Variants in C12orf42 observed in about 807,000 individuals in gnomAD.
The protein encoded by C12orf42 is chromosome 12 open reading frame 42.
Under a neutral mutation model 21.6 loss-of-function variants are expected in C12orf42, and 25 were observed. That is an observed-to-expected ratio of 1.16 (90% CI 0.84 to 1.62). C12orf42 has a LOEUF of 1.62. Among genes scored for constraint, C12orf42 ranks in the 40% most tolerant of loss-of-function variants. The probability of loss-of-function intolerance (pLI) is 0.00; values close to 1 mark genes in which losing one functional copy is unlikely to be tolerated. For missense variants in C12orf42, 483 were observed against 459.3 expected (o/e 1.05, Z -0.47); for synonymous variants, 174 against 175.0 (o/e 0.99, Z 0.05).
At chr12:103,505,693 G>A in the C12orf42 span, 117 of 221,740 alleles carry the variant, frequency 5.3e-4, 1 homozygote, top group Admixed American at 1.5e-3. Flanking sequence ...CAAGGCTGTA[G>A]ATGGAGAGGA....
chr12:103,506,858 T>TA, the C12orf42 span, among the ~76,000 whole-genome samples: 1 of 72,132 alleles, frequency 1.4e-5, no homozygotes, highest in Non-Finnish European at 2.3e-5. Context: ...TATTTATATA[T>TA]TATATATATA....
chr12:103,128,382 A>G, the C12orf42 span, among the ~76,000 whole-genome samples: 2 of 152,158 alleles, frequency 1.3e-5, no homozygotes, highest in South Asian at 4.1e-4. Flanking sequence ...GCACCATTAT[A>G]TGGGGGGAGG....
intron 4 of C12orf42, among the ~76,000 whole-genome samples, chr12:103,315,693 A>C (rs2039406384): frequency 6.6e-6 from 1 of 152,174 alleles, no homozygotes; most frequent in Non-Finnish European, 1.5e-5. Context: ...ACAGACACAA[A>C]ACAGTAGATC....
chr12:103,505,250 C>T, the C12orf42 span, among the ~76,000 whole-genome samples: 32 of 152,230 alleles, frequency 2.1e-4, no homozygotes, highest in Middle Eastern at 0.01. Context: ...CTGGAGACCC[C>T]CTTGGTCTCT....
chr12:103,168,535 A>C, the C12orf42 span, among the ~76,000 whole-genome samples: 6 of 152,286 alleles, frequency 3.9e-5, no homozygotes, highest in Non-Finnish European at 5.9e-5. Flanking sequence ...TCAACATGGC[A>C]AGGCAGTATA....
intron 10 of C12orf42, among the ~76,000 whole-genome samples, chr12:103,242,250 A>G (rs79396652): frequency 0.046 from 6,980 of 152,240 alleles, 224 homozygotes; most frequent in Non-Finnish European, 0.069. Flanking sequence ...CTGTTGTAAG[A>G]CTGGAAAAGG....
At chr12:103,488,636 G>A (rs1954992983) in intron 1 of C12orf42, among the ~76,000 whole-genome samples, 1 of 152,114 alleles carries the variant, frequency 6.6e-6, no homozygotes. Context: ...ATTTCTTAGA[G>A]GCTTTTTTAT....
the C12orf42 span, among the ~76,000 whole-genome samples, chr12:103,087,125 G>A: frequency 9.2e-5 from 14 of 152,040 alleles, no homozygotes; most frequent in Admixed American, 4.6e-4. Context: ...GTAGGTACAC[G>A]TGCAGGTTTA....
intron 2 of C12orf42, among the ~76,000 whole-genome samples, chr12:103,444,431 A>T (rs1951452034): frequency 6.6e-6 from 1 of 152,126 alleles, no homozygotes; most frequent in African/African-American, 2.4e-5. Context: ...AATGTGGCTT[A>T]TATAATACCG....
At chr12:103,219,070 T>C in the C12orf42 span, among the ~76,000 whole-genome samples, 1 of 152,150 alleles carries the variant, frequency 6.6e-6, no homozygotes, top group African/African-American at 2.4e-5. Context: ...ACAGAACTGT[T>C]CATTCCCCTG....
chr12:103,499,150 C>A (rs112725054), upstream of C12orf42, among the ~76,000 whole-genome samples: 2,002 of 152,120 alleles, frequency 0.013, 23 homozygotes, highest in South Asian at 0.039. Context: ...AGGGGATAAA[C>A]CTTCAGTTAC....
At chr12:103,310,708 A>T (rs2038895684) in intron 4 of C12orf42, among the ~76,000 whole-genome samples, 1 of 152,070 alleles carries the variant, frequency 6.6e-6, no homozygotes, top group African/African-American at 2.4e-5. Context: ...ACATTTTAGA[A>T]CTCTAGAAAT....
intron 4 of C12orf42, among the ~76,000 whole-genome samples, chr12:103,284,150 C>A (rs182108573): frequency 2.6e-5 from 4 of 152,294 alleles, no homozygotes; most frequent in African/African-American, 9.6e-5. Flanking sequence ...GAGAACATTA[C>A]ATAAGACGGC....
intron 4 of C12orf42, among the ~76,000 whole-genome samples, chr12:103,324,305 A>G (rs2040466687): frequency 6.6e-6 from 1 of 152,200 alleles, no homozygotes; most frequent in African/African-American, 2.4e-5. Context: ...AGAAGAGATA[A>G]TAACTTATGA....
At chr12:103,196,034 T>A in the C12orf42 span, among the ~76,000 whole-genome samples, 3 of 152,146 alleles carry the variant, frequency 2.0e-5, no homozygotes, top group East Asian at 1.9e-4. Context: ...CCGACATCAT[T>A]TATTGTATAA....
chr12:103,268,086 ATAGAATTGGAAGTTC>A (rs2035259515), downstream of C12orf42: 1 of 152,146 alleles, frequency 6.6e-6, no homozygotes, highest in South Asian at 2.1e-4. Flanking sequence ...AAGAGTGATT[ATAGAATTGGAAGTTC>A]TAGCCTGGCT....
At chr12:103,130,634 G>C in the C12orf42 span, among the ~76,000 whole-genome samples, 1 of 152,108 alleles carries the variant, frequency 6.6e-6, no homozygotes, top group African/African-American at 2.4e-5. Flanking sequence ...GAAGGAAGCA[G>C]GGTTTGGCAA....
Position 103,478,444 on chromosome 12 carries a change from C to T in C12orf42, c.-18G>A. On this transcript the variant is annotated 5_prime_UTR_variant, in exon 2 of 6. Transcript: ENST00000548883. ...GTAGACATTAATTTGACAAGTTCAA[C>T]TCCCTATAAACAAAGAATGGAGAAA... 6.8e-7 allele frequency: 1 copy of T among 1,469,468 alleles called. No homozygotes were observed. The highest frequency in any genetic ancestry group is 9.4e-7 in the Non-Finnish European group (1 of 1,069,134). 91.0% of individuals were successfully genotyped at this position (1,469,468 alleles called of 1,614,324 possible). A position where few individuals can be genotyped will look rare whatever the true frequency, so the allele number is the denominator to read the frequency against.
chr12:103,230,735 G>A, the C12orf42 span, among the ~76,000 whole-genome samples: 2 of 152,050 alleles, frequency 1.3e-5, no homozygotes, highest in Non-Finnish European at 2.9e-5. Context: ...ATAAATGTTA[G>A]TCTTCTAAAA....
Sources: gnomAD v4.1 joint callset for allele counts (sites outside exome capture counted in the v4.1 genomes callset) on GRCh38, gnomAD v4.1.1 for gene constraint, MANE v1.5 for transcripts, NCBI Gene and HGNC (gene_info 2026-07-23, HGNC 2026-07-21) for gene names.